The following PCDH15 variants were observed in gnomAD, a reference collection of about 807,000 sequenced individuals.
PCDH15 encodes protocadherin-15.
PCDH15 carries 129 observed loss-of-function variants against 178.5 expected under a neutral mutation model. That is an observed-to-expected ratio of 0.72 (90% CI 0.63 to 0.84). The LOEUF (loss-of-function observed/expected upper bound fraction) is 0.84. Ranked by LOEUF, PCDH15 falls within the 40% of genes least tolerant of loss-of-function variation. The pLI is 0.00. For missense variants in PCDH15, 2,230 were observed against 2,099.9 expected, an observed-to-expected ratio of 1.06 and a Z score of -1.21; for synonymous variants, 800 against 732.0, an observed-to-expected ratio of 1.09 and a Z score of -1.50.
intron 1 of PCDH15, among the ~76,000 whole-genome samples, chr10:54,709,147 A>G (rs1206691885): frequency 1.3e-5 from 2 of 152,146 alleles, no homozygotes; most frequent in African/African-American, 2.4e-5. Context: ...ATTCATTACT[A>G]TATGGAACTT....
intron 1 of PCDH15, among the ~76,000 whole-genome samples, chr10:55,258,213 A>G (rs917985865): frequency 4.6e-5 from 7 of 152,206 alleles, no homozygotes; most frequent in South Asian, 2.1e-4. Context: ...TAAGAAAACT[A>G]TAATTGTTCC....
intron 1 of PCDH15, among the ~76,000 whole-genome samples, chr10:54,732,091 G>GA (rs59015288): frequency 7.4e-5 from 11 of 148,170 alleles, no homozygotes; most frequent in East Asian, 2.0e-4. Flanking sequence ...GCAAAAATTG[G>GA]AAAAAAAAAT....
At chr10:54,167,881 T>C (rs1216948186) in intron 13 of PCDH15, among the ~76,000 whole-genome samples, 4 of 151,168 alleles carry the variant, frequency 2.6e-5, no homozygotes, top group Non-Finnish European at 5.9e-5. Flanking sequence ...CATCCCTTAT[T>C]TCTGTGCCCC....
intron 2 of PCDH15, among the ~76,000 whole-genome samples, chr10:55,447,257 A>G (rs962882306): frequency 6.6e-5 from 10 of 152,068 alleles, no homozygotes; most frequent in Non-Finnish European, 1.0e-4. Context: ...GTTAATAGCA[A>G]CAAGTATCTA....
chr10:54,689,773 C>T (rs1591069888), intron 1 of PCDH15, among the ~76,000 whole-genome samples: 1 of 152,078 alleles, frequency 6.6e-6, no homozygotes, highest in Admixed American at 6.6e-5. Context: ...ATTGAGTCAC[C>T]TATGAATACA....
chr10:55,153,450 C>G (rs1290951656), intron 2 of PCDH15, among the ~76,000 whole-genome samples: 1 of 152,220 alleles, frequency 6.6e-6, no homozygotes, highest in East Asian at 1.9e-4. Flanking sequence ...AAGCAGAATG[C>G]AATTTTTCAC....
chr10:54,633,074 AT>A (rs2093746366), intron 2 of PCDH15, among the ~76,000 whole-genome samples: 1 of 152,146 alleles, frequency 6.6e-6, no homozygotes, highest in African/African-American at 2.4e-5. Flanking sequence ...CTTGACTCAA[AT>A]TTCCATTTGG....
At chr10:55,586,148 A>T (rs1209640829) in intron 2 of PCDH15, among the ~76,000 whole-genome samples, 1 of 152,136 alleles carries the variant, frequency 6.6e-6, no homozygotes, top group Non-Finnish European at 1.5e-5. Context: ...CTCATGACAT[A>T]GGTACTATGA....
At chr10:55,312,162 G>A (rs2132289787) in intron 1 of PCDH15, among the ~76,000 whole-genome samples, 1 of 152,104 alleles carries the variant, frequency 6.6e-6, no homozygotes, top group Non-Finnish European at 1.5e-5. Context: ...TAAGCCATTA[G>A]TATAAAAACC....
intron 1 of PCDH15, among the ~76,000 whole-genome samples, chr10:55,319,092 A>G (rs904234347): frequency 6.6e-6 from 1 of 151,936 alleles, no homozygotes; most frequent in African/African-American, 2.4e-5. Context: ...CGATTCCCCT[A>G]TGGAGTAGTA....
At chr10:54,994,101 T>C (rs1486709611) in intron 2 of PCDH15, among the ~76,000 whole-genome samples, 1 of 152,196 alleles carries the variant, frequency 6.6e-6, no homozygotes, top group African/African-American at 2.4e-5. Context: ...CCATGGATGT[T>C]GAGTCTCTTC....
At chr10:55,050,094 T>C (rs757342387) in intron 2 of PCDH15, among the ~76,000 whole-genome samples, 1 of 152,044 alleles carries the variant, frequency 6.6e-6, no homozygotes, top group African/African-American at 2.4e-5. Flanking sequence ...TTTGGTACAA[T>C]TGAAGGGGAA....
intron 1 of PCDH15, among the ~76,000 whole-genome samples, chr10:54,693,583 A>G (rs1289685086): frequency 6.6e-6 from 1 of 152,174 alleles, no homozygotes; most frequent in East Asian, 1.9e-4. Flanking sequence ...TTTCTGAATG[A>G]TAAAGTAGAC....
At chr10:54,677,633 G>T (rs1354770237) in intron 1 of PCDH15, among the ~76,000 whole-genome samples, 1 of 152,128 alleles carries the variant, frequency 6.6e-6, no homozygotes, top group African/African-American at 2.4e-5. Flanking sequence ...TCTGGAGACT[G>T]TGCAGAATTT....
intron 2 of PCDH15, among the ~76,000 whole-genome samples, chr10:55,622,227 T>A (rs1257401504): frequency 6.8e-6 from 1 of 146,216 alleles, no homozygotes; most frequent in Non-Finnish European, 1.5e-5. Flanking sequence ...CCCAGGCTGG[T>A]CTTAAACTCT....
intron 1 of PCDH15, among the ~76,000 whole-genome samples, chr10:55,239,490 C>T (rs1283290458): frequency 6.6e-6 from 1 of 152,066 alleles, no homozygotes; most frequent in Non-Finnish European, 1.5e-5. Context: ...AACTGGATAT[C>T]CACATGCAGA....
chr10:54,585,177 G>A (rs2133849806), intron 2 of PCDH15, among the ~76,000 whole-genome samples: 1 of 54,232 alleles, frequency 1.8e-5, no homozygotes. Flanking sequence ...CTGCCCTAAA[G>A]GTTTAGATTA....
intron 1 of PCDH15, among the ~76,000 whole-genome samples, chr10:55,195,486 C>CAAAAA (rs34476628): frequency 2.6e-5 from 3 of 115,228 alleles, no homozygotes; most frequent in African/African-American, 1.0e-4. Context: ...ACTAAAAATA[C>CAAAAA]AAAAAAAAAA....
intron 9 of PCDH15, among the ~76,000 whole-genome samples, chr10:54,231,519 C>T (rs1203742435): frequency 6.6e-6 from 1 of 152,248 alleles, no homozygotes; most frequent in Non-Finnish European, 1.5e-5. Flanking sequence ...AGAGTTCCCA[C>T]TGGGGCACTG....
Sources: gnomAD v4.1 joint callset for allele counts (sites outside exome capture counted in the v4.1 genomes callset) on GRCh38, gnomAD v4.1.1 for gene constraint, MANE v1.5 for transcripts, NCBI Gene and HGNC (gene_info 2026-07-23, HGNC 2026-07-21) for gene names.